HERC4: variants seen among roughly 807,000 people sequenced by gnomAD.
HERC4 encodes probable E3 ubiquitin-protein ligase HERC4.
Under a neutral mutation model 124.3 loss-of-function variants are expected in HERC4, and 28 were observed. The observed-to-expected ratio is 0.23, with a 90% CI of 0.17 to 0.31. The LOEUF is 0.31. HERC4 is among the 10% of genes least tolerant of loss of function. The pLI, the probability that HERC4 is intolerant of heterozygous loss-of-function variation, is 1.00. For missense variants in HERC4, 713 were observed against 1,229.3 expected, an observed-to-expected ratio of 0.58 and a Z score of 6.28; for synonymous variants, 407 against 421.5, an observed-to-expected ratio of 0.97 and a Z score of 0.42.
intron 15 of HERC4, among the ~76,000 whole-genome samples, chr10:67,986,439 G>A (rs1483506399): frequency 6.6e-6 from 1 of 152,144 alleles, no homozygotes; most frequent in Admixed American, 6.5e-5. Flanking sequence ...TGCAACCTCT[G>A]CCTCCTGGGT....
At chr10:68,055,941 G>T (rs1195828443) in intron 3 of HERC4, among the ~76,000 whole-genome samples, 1 of 151,878 alleles carries the variant, frequency 6.6e-6, no homozygotes, top group East Asian at 1.9e-4. Context: ...TAGTAGAGGG[G>T]GGGTTTCACC....
intron 19 of HERC4, among the ~76,000 whole-genome samples, chr10:67,942,056 A>C (rs2032955556): frequency 6.6e-6 from 1 of 152,166 alleles, no homozygotes; most frequent in Non-Finnish European, 1.5e-5. Flanking sequence ...TAACTGAAAC[A>C]TACTTACACT....
chr10:68,059,469 T>C (rs1197020501), intron 3 of HERC4, among the ~76,000 whole-genome samples: 1 of 132,136 alleles, frequency 7.6e-6, no homozygotes, highest in Non-Finnish European at 1.6e-5. Context: ...AATAATATTA[T>C]ATATTATAAT....
intron 3 of HERC4, among the ~76,000 whole-genome samples, chr10:68,047,961 G>T: frequency 6.6e-6 from 1 of 151,172 alleles, no homozygotes; most frequent in African/African-American, 2.4e-5. Context: ...GTCTCACCCT[G>T]TTGCCCAGGC....
intron 19 of HERC4, among the ~76,000 whole-genome samples, chr10:67,946,363 ACAC>A: frequency 8.6e-6 from 1 of 116,542 alleles, no homozygotes. Context: ...ACACACACAC[ACAC>A]ACACACACAC....
At chr10:68,049,871 A>T (rs895218418) in intron 3 of HERC4, among the ~76,000 whole-genome samples, 1 of 152,092 alleles carries the variant, frequency 6.6e-6, no homozygotes, top group Non-Finnish European at 1.5e-5. Context: ...TGATTGTGCC[A>T]CTGCACTCAA....
chr10:67,989,010 G>A lies in HERC4; in HGVS notation c.1634-175C>T, dbSNP rs137855098. 5.7e-3 allele frequency among the ~76,000 whole-genome samples: 869 copies of A among 151,894 alleles called. 12 individuals carry two copies. Among genetic ancestry groups the A allele is most frequent in the African/African-American group, 0.02 (822 of 41,480 alleles). On this transcript the variant is annotated intron_variant, in intron 14 of 24. Transcript: ENST00000373700. ...TTGTAAGGTTTATAAACCTCCCCCC[G>A]ACCAAGTTAAACAATATTGTCCGAA...
At chr10:68,069,459 T>C (rs2041461710) in intron 3 of HERC4, 2 of 985,240 alleles carry the variant, frequency 2.0e-6, no homozygotes, top group South Asian at 4.7e-5. Context: ...TCTGCACCTT[T>C]AGTATAATAA....
At chr10:67,966,989 G>A (rs1180405167) in intron 15 of HERC4, among the ~76,000 whole-genome samples, 187 bp from the exon 16 acceptor site, 1 of 152,064 alleles carries the variant, frequency 6.6e-6, no homozygotes, top group African/African-American at 2.4e-5. Flanking sequence ...TGAGTAGCTG[G>A]GACTACAAGC....
intron 15 of HERC4, among the ~76,000 whole-genome samples, chr10:67,979,539 T>A (rs1019326730): frequency 1.3e-5 from 2 of 152,188 alleles, no homozygotes; most frequent in East Asian, 3.9e-4. Flanking sequence ...TTCAAAGAGA[T>A]AATGACAGAG....
intron 8 of HERC4, among the ~76,000 whole-genome samples, chr10:68,023,746 G>T (rs1486803063): frequency 6.6e-6 from 1 of 151,830 alleles, no homozygotes; most frequent in African/African-American, 2.4e-5. Context: ...ATGGTGCTAG[G>T]GTAATTGACT....
intron 15 of HERC4, among the ~76,000 whole-genome samples, chr10:67,969,406 T>G (rs2035091644): frequency 6.6e-6 from 1 of 152,094 alleles, no homozygotes; most frequent in Admixed American, 6.6e-5. Context: ...TGGCACTCAC[T>G]CACAGCCTCT....
intron 3 of HERC4, among the ~76,000 whole-genome samples, chr10:68,060,377 A>G (rs2040941686): frequency 6.6e-6 from 1 of 152,016 alleles, no homozygotes; most frequent in African/African-American, 2.4e-5. Context: ...AGCTGGGATT[A>G]CAGATGCACA....
At chr10:67,942,315 A>G (rs868187106) in intron 19 of HERC4, among the ~76,000 whole-genome samples, 1 of 152,216 alleles carries the variant, frequency 6.6e-6, no homozygotes, top group Non-Finnish European at 1.5e-5. Context: ...TGAAACACAC[A>G]CTAAAGGTTC....
intron 3 of HERC4, among the ~76,000 whole-genome samples, chr10:68,072,424 T>C (rs946085809): frequency 1.3e-5 from 2 of 152,142 alleles, no homozygotes; most frequent in African/African-American, 4.8e-5. Flanking sequence ...TTTAAAATAC[T>C]ATGACAGAGG....
Position 68,051,056 on chromosome 10 carries a change from G to A in HERC4, c.227-6493C>T, listed in dbSNP as rs143293939. 6.3e-3 allele frequency among the ~76,000 whole-genome samples: 945 copies of A among 150,062 alleles called. 11 individuals carry two copies. The highest frequency in any genetic ancestry group is 0.022 in the African/African-American group (894 of 40,898). On this transcript the variant is annotated intron_variant, in intron 3 of 24. Coordinates refer to ENST00000373700, the MANE Select transcript of HERC4 (RefSeq NM_015601.4). ...AATTAGAAAACGGAGAGTTAAGGGGGGATTAAACCACATCAATTGATGATC... is the reference window on the plus strand; with the variant it reads ...AATTAGAAAACGGAGAGTTAAGGGGAGATTAAACCACATCAATTGATGATC...
intron 15 of HERC4, among the ~76,000 whole-genome samples, chr10:67,970,391 A>G (rs2035158378): frequency 6.6e-6 from 1 of 152,186 alleles, no homozygotes; most frequent in Non-Finnish European, 1.5e-5. Flanking sequence ...CAGGAGTTCA[A>G]GACCACCCTG....
intron 15 of HERC4, among the ~76,000 whole-genome samples, chr10:67,974,105 CACACACACACACACATACACACAG>C (rs1564492918): frequency 6.9e-6 from 1 of 145,418 alleles, no homozygotes; most frequent in Non-Finnish European, 1.5e-5. Flanking sequence ...CACACACACA[CACACACACACACACATACACACAG>C]GGTCAGGAAA....
At chr10:67,925,339 C>A in intron 23 of HERC4, 152 bp from the exon 24 acceptor site, 2 of 518,318 alleles carry the variant, frequency 3.9e-6, no homozygotes, top group South Asian at 3.5e-5. Context: ...GCTATTAGTT[C>A]CAGGAGAAAA....
Sources: allele counts gnomAD v4.1 joint callset (sites outside exome capture counted in the v4.1 genomes callset), GRCh38; gene constraint gnomAD v4.1.1; transcripts MANE v1.5; gene names NCBI Gene and HGNC (gene_info 2026-07-23, HGNC 2026-07-21).